Variants in PCDH9 observed in about 807,000 individuals in gnomAD.
PCDH9 encodes protocadherin-9.
PCDH9 carries 24 observed loss-of-function variants against 70.6 expected under a neutral mutation model. That is an observed-to-expected ratio of 0.34 (90% CI 0.25 to 0.48). The LOEUF (loss-of-function observed/expected upper bound fraction) is 0.48, where lower values mean the gene tolerates loss of function less well. PCDH9 is among the 20% of genes least tolerant of loss of function. The pLI is 0.99. For synonymous variants in PCDH9, 562 were observed against 558.5 expected (o/e 1.01, Z -0.09); for missense variants, 1,281 against 1,503.6 (o/e 0.85, Z 2.45).
intron 4 of PCDH9, among the ~76,000 whole-genome samples, chr13:66,614,222 T>C (rs914590115): frequency 2.0e-5 from 3 of 152,150 alleles, no homozygotes; most frequent in African/African-American, 7.2e-5. Flanking sequence ...TGGCCTAGGG[T>C]TAAAGGATTG....
intron 2 of PCDH9, among the ~76,000 whole-genome samples, chr13:66,994,812 T>A (rs1190659490): frequency 1.3e-5 from 2 of 152,228 alleles, no homozygotes; most frequent in Non-Finnish European, 1.5e-5. Flanking sequence ...CTCTACGCTA[T>A]ATATAAATAT....
At chr13:66,859,276 A>G (rs567914448) in intron 3 of PCDH9, among the ~76,000 whole-genome samples, 1 of 152,028 alleles carries the variant, frequency 6.6e-6, no homozygotes, top group South Asian at 2.1e-4. Flanking sequence ...CACTGTTAAC[A>G]TTTTCTTTTT....
chr13:66,924,181 T>G (rs2082681131), intron 2 of PCDH9, among the ~76,000 whole-genome samples: 1 of 151,764 alleles, frequency 6.6e-6, no homozygotes, highest in Admixed American at 6.6e-5. Context: ...AAACCCCTCT[T>G]CTAAACCCTT....
intron 4 of PCDH9, among the ~76,000 whole-genome samples, chr13:66,488,534 T>C (rs767180080): frequency 7.2e-5 from 11 of 151,870 alleles, no homozygotes; most frequent in Non-Finnish European, 1.5e-4. Context: ...GGCACAAGTA[T>C]AAAAACTCAG....
intron 3 of PCDH9, among the ~76,000 whole-genome samples, chr13:66,821,017 C>T (rs2080703179): frequency 6.6e-6 from 1 of 152,076 alleles, no homozygotes; most frequent in Non-Finnish European, 1.5e-5. Flanking sequence ...AAAAGATTCC[C>T]TCCTTTGACA....
At chr13:66,940,596 C>T (rs1344068186) in intron 2 of PCDH9, among the ~76,000 whole-genome samples, 1 of 151,818 alleles carries the variant, frequency 6.6e-6, no homozygotes, top group African/African-American at 2.4e-5. Context: ...AGCATCAAAA[C>T]TGTAATGAAA....
intron 4 of PCDH9, among the ~76,000 whole-genome samples, chr13:66,455,937 G>A (rs1298085008): frequency 2.0e-5 from 3 of 152,044 alleles, no homozygotes; most frequent in Admixed American, 6.6e-5. Flanking sequence ...ATGTTGAAAC[G>A]TCAGAAGAAT....
At chr13:66,329,549 G>C (rs549048563) in intron 4 of PCDH9, among the ~76,000 whole-genome samples, 1 of 152,246 alleles carries the variant, frequency 6.6e-6, no homozygotes, top group South Asian at 2.1e-4. Context: ...ACTGTAAAGA[G>C]AATGTCCCCA....
intron 2 of PCDH9, chr13:67,222,613 C>A (rs1422911080): frequency 6.6e-6 from 1 of 152,042 alleles, no homozygotes. Context: ...TTGCATTTTA[C>A]CCACATATCA....
intron 2 of PCDH9, among the ~76,000 whole-genome samples, chr13:67,191,601 C>T (rs918278401): frequency 1.3e-5 from 2 of 152,068 alleles, no homozygotes; most frequent in African/African-American, 4.8e-5. Flanking sequence ...CTATTGTGCT[C>T]ACCATAAGTT....
At chr13:66,421,692 C>T (rs1332506537) in intron 4 of PCDH9, among the ~76,000 whole-genome samples, 1 of 152,152 alleles carries the variant, frequency 6.6e-6, no homozygotes, top group African/African-American at 2.4e-5. Context: ...AAACCGGTAC[C>T]AGCCACTGCA....
intron 2 of PCDH9, among the ~76,000 whole-genome samples, chr13:67,100,353 T>G (rs923741682): frequency 9.2e-5 from 14 of 152,210 alleles, no homozygotes; most frequent in Non-Finnish European, 1.9e-4. Context: ...TTATCTAGAT[T>G]GCTTTTTTCT....
At chr13:66,662,400 G>A (rs1391680099) in intron 3 of PCDH9, among the ~76,000 whole-genome samples, 6 of 151,892 alleles carry the variant, frequency 4.0e-5, no homozygotes, top group African/African-American at 1.2e-4. Context: ...TTGAACTTGG[G>A]AGGCAGAGGT....
chr13:66,658,304 C>T (rs937343023), intron 3 of PCDH9, among the ~76,000 whole-genome samples: 11 of 151,944 alleles, frequency 7.2e-5, no homozygotes, highest in Non-Finnish European at 1.5e-4. Context: ...TTGAATTTCC[C>T]AAGTTGATAT....
intron 4 of PCDH9, among the ~76,000 whole-genome samples, chr13:66,396,286 C>A (rs1271973688): frequency 6.6e-6 from 1 of 152,082 alleles, no homozygotes; most frequent in Non-Finnish European, 1.5e-5. Flanking sequence ...CTTTTCAACT[C>A]CCCTTTATGA....
At chr13:66,785,478 T>A (rs1034093948) in intron 3 of PCDH9, among the ~76,000 whole-genome samples, 3 of 152,056 alleles carry the variant, frequency 2.0e-5, no homozygotes, top group Non-Finnish European at 4.4e-5. Context: ...TTTGGATTAA[T>A]AAATTTCTCC....
chr13:66,840,547 G>A (rs745415444), intron 3 of PCDH9, among the ~76,000 whole-genome samples: 3 of 152,026 alleles, frequency 2.0e-5, no homozygotes, highest in Non-Finnish European at 2.9e-5. Context: ...ATCATGTAAC[G>A]AAGTTAAAGA....
At chr13:66,862,536 T>C (rs1043891277) in intron 3 of PCDH9, among the ~76,000 whole-genome samples, 1 of 152,202 alleles carries the variant, frequency 6.6e-6, no homozygotes, top group African/African-American at 2.4e-5. Flanking sequence ...TGCACCCCAA[T>C]GCCTGTTAAA....
chr13:66,395,349 T>C (rs759099936), intron 4 of PCDH9, among the ~76,000 whole-genome samples: 48 of 152,312 alleles, frequency 3.2e-4, no homozygotes, highest in South Asian at 6.2e-4. Flanking sequence ...AGGCCTGTAA[T>C]CCCAGCACTT....
Sources: gnomAD v4.1 joint callset for allele counts (sites outside exome capture counted in the v4.1 genomes callset) on GRCh38, gnomAD v4.1.1 for gene constraint, MANE v1.5 for transcripts, NCBI Gene and HGNC (gene_info 2026-07-23, HGNC 2026-07-21) for gene names.